Variants in CCDC120 observed in about 807,000 individuals in gnomAD.
The protein encoded by CCDC120 is coiled-coil domain containing 120, also known as coiled-coil domain-containing protein 120.
A neutral mutation model predicts 37.6 loss-of-function variants in CCDC120; 16 were observed. The ratio of observed to expected loss-of-function variants is 0.43; its 90% CI spans 0.29 to 0.65. The LOEUF is 0.65. Among genes scored for constraint, CCDC120 ranks in the 30% least tolerant of loss-of-function variants. The probability of loss-of-function intolerance (pLI) is 0.18; values close to 1 mark genes in which losing one functional copy is unlikely to be tolerated. For synonymous variants in CCDC120, 309 were observed against 275.4 expected (o/e 1.12, Z -1.21); for missense variants, 650 against 657.4 (o/e 0.99, Z 0.12).
At chrX:49,056,034 C>A (rs1432720429), upstream of CCDC120, among the ~76,000 whole-genome samples, 1 of 111,400 alleles carries the variant, frequency 9.0e-6, no homozygotes, top group Non-Finnish European at 1.9e-5. Context: ...GTGAGGGTAC[C>A]CTGTTATGTA....
chrX:49,066,992 G>C (rs1442714459), intron 9 of CCDC120, 184 bp from the exon 10 acceptor site: 1 of 447,680 alleles, frequency 2.2e-6, no homozygotes, highest in Non-Finnish European at 3.9e-6. Flanking sequence ...CCTAGCCTAG[G>C]ATAGAACCTC....
intron 5 of CCDC120, 29 bp downstream of exon 5, chrX:49,064,030 G>A: frequency 1.7e-6 from 2 of 1,169,241 alleles, no homozygotes; most frequent in Non-Finnish European, 2.3e-6. Flanking sequence ...AGAGCAAGAG[G>A]GTGGGAAGAG....
At chrX:49,056,691 A>G (rs933069074), upstream of CCDC120, among the ~76,000 whole-genome samples, 1 of 110,242 alleles carries the variant, frequency 9.1e-6, no homozygotes, top group African/African-American at 3.3e-5. Context: ...GGATAGCAAG[A>G]GTTCAGACAA....
chrX:49,062,579 G>C lies in CCDC120; in HGVS notation c.266G>C (p.Arg89Pro). The C allele has an allele frequency of 8.3e-7, 1 of 1,209,726 alleles. No individual in the cohort carries two copies. The highest frequency in any genetic ancestry group is 1.1e-6 in the Non-Finnish European group (1 of 894,867). ...CTGAGCCTGAAACTTCAGGAGCTCC[G>C]CAAAGTGTGTCTCCAGGAGGCGGTG... ...EALSLKLQELRKVCLQEAELT... is the reference protein window; with the variant it reads ...EALSLKLQELPKVCLQEAELT... Residue 89 changes from arginine (R) to proline (P), a missense_variant, in exon 4 of 11, where the codon CGC (arginine) becomes CCC (proline). Physicochemically the swap from Arg to Pro is moderately radical, Grantham distance 103. Around this residue, in one of 3 missense-constraint regions of CCDC120, gnomAD observed 10 missense variants for 27.0 expected, o/e 0.37. Coordinates refer to ENST00000603986, the MANE Select transcript of CCDC120 (RefSeq NM_001163321.4).
In CCDC120 at chrX:49,064,564, C is replaced by T. The variant is rs782636129; in HGVS notation, c.624C>T (p.Leu208=). ...QLRDVRARLG[L]PVLPLPQPLP... ...GGGATGTCCGGGCCCGCCTTGGCCT[C>T]CCAGTGCTCCCGCTGCCCCAGCCAC... The change falls in exon 6 of 11, where the codon CTC becomes CTT. Residue 208 remains leucine, a synonymous_variant. Coordinates refer to ENST00000603986, the MANE Select transcript of CCDC120 (RefSeq NM_001163321.4). 3.4e-6 allele frequency: 4 copies of T among 1,177,648 alleles called. No individual in the cohort carries two copies. The highest frequency in any genetic ancestry group is 4.9e-5 in the Admixed American group (2 of 40,590).
Position 49,065,485 on chromosome X carries a change from G to A in CCDC120, c.819G>A (p.Glu273=). 1 of 1,203,121 alleles carries A rather than the reference G, an allele frequency of 8.3e-7. No individual in the cohort carries two copies. Among genetic ancestry groups the A allele is most frequent in the Non-Finnish European group, 1.1e-6 (1 of 892,288 alleles). ...EEPHGCFSLA[E]RPSPPKAWDQ... is the part of the protein sequence containing the mutation. ...CCCATGGCTGCTTCTCTCTGGCCGAGCGCCCCTCACCACCCAAGGCTTGGG... is the reference window on the plus strand; with the variant it reads ...CCCATGGCTGCTTCTCTCTGGCCGAACGCCCCTCACCACCCAAGGCTTGGG... Residue 273 remains glutamate, a synonymous_variant, in exon 8 of 11, where the codon GAG becomes GAA. Transcript: ENST00000603986.
chrX:49,065,438 G>A lies in CCDC120; in HGVS notation c.788-16G>A. ...CCCCTCATTGAATTCTATCCCACTT[G>A]CTCTCTTCCACTCAGAGGAGCCCCA... On this transcript the variant is annotated splice_polypyrimidine_tract_variant and intron_variant, in intron 7 of 10. Transcript: ENST00000603986. The A allele has an allele frequency of 1.7e-6, 2 of 1,170,988 alleles. No homozygotes were observed. Among genetic ancestry groups the A allele is most frequent in the South Asian group, 4.0e-5 (2 of 49,997 alleles).
chrX:49,069,551 GA>G lies in CCDC120; in HGVS notation c.*894del, dbSNP rs2064997532. 1 of 112,043 alleles carries G rather than the reference GA, an allele frequency of 8.9e-6. No homozygotes were observed. The highest frequency in any genetic ancestry group is 3.2e-5 in the African/African-American group (1 of 30,810). The allele number at this position is 112,043 out of a possible 1,213,427, so 9.2% of individuals were successfully genotyped here. On this transcript the variant is annotated 3_prime_UTR_variant, in exon 11 of 11. Transcript: ENST00000603986. ...CCGGCTAATTTTTGTATTCTTAGTA[GA>G]GACAAGGTTTCACCATATTGGCCAG...
At chrX:49,061,920 T>C (rs1224545868) in intron 1 of CCDC120, 39 bp from the exon 2 acceptor site, 3 of 1,095,174 alleles carry the variant, frequency 2.7e-6, no homozygotes, top group African/African-American at 1.9e-5. Flanking sequence ...ATTGTTGTTA[T>C]AGTTGGTTGA....
chrX:49,064,458 T>A lies in CCDC120; in HGVS notation c.518T>A (p.Leu173Gln). Residue 173 changes from leucine (L) to glutamine (Q), a missense_variant, in exon 6 of 11, where the codon CTG (leucine) becomes CAG (glutamine). Physicochemically the swap from Leu to Gln is moderately radical, Grantham distance 113 (BLOSUM62 -2). This residue lies in a region of CCDC120 where 576 missense variants were observed against 565.3 expected (regional missense o/e 1.02). Transcript: ENST00000603986. ...CGCCGCCTGGCCTTGGCCCCTGATCTGAGCACCGAGCAGCGCCGGCGCCGG... is the reference window on the plus strand; with the variant it reads ...CGCCGCCTGGCCTTGGCCCCTGATCAGAGCACCGAGCAGCGCCGGCGCCGG... Reference protein sequence around the residue: ...AARRLALAPDLSTEQRRRRRQ... With the variant: ...AARRLALAPDQSTEQRRRRRQ... The A allele has an allele frequency of 8.5e-7, 1 of 1,180,987 alleles. No homozygotes were observed. Among genetic ancestry groups the A allele is most frequent in the Non-Finnish European group, 1.1e-6 (1 of 881,038 alleles).
chrX:49,057,263 A>G (rs1169796002), upstream of CCDC120, among the ~76,000 whole-genome samples: 1 of 112,325 alleles, frequency 8.9e-6, no homozygotes, highest in Admixed American at 9.4e-5. Context: ...AATTGTTGTT[A>G]GTAAGAGTCA....
intron 10 of CCDC120, 40 bp from the exon 11 acceptor site, chrX:49,068,504 C>T (rs1557082284): frequency 9.4e-7 from 1 of 1,062,258 alleles, no homozygotes; most frequent in South Asian, 2.8e-5. Flanking sequence ...TTCTTGTCTT[C>T]CCCGCCCTGT....
upstream of CCDC120, among the ~76,000 whole-genome samples, chrX:49,055,129 G>A (rs781965840): frequency 8.9e-6 from 1 of 112,315 alleles, no homozygotes; most frequent in East Asian, 2.8e-4. Context: ...ATCTTACATA[G>A]AGCTTACATT....
In CCDC120 at chrX:49,068,123, T is replaced by C; in HGVS notation, c.1976+33T>C. The C allele has an allele frequency of 2.6e-6, 3 of 1,150,830 alleles. No individual in the cohort carries two copies. In the Middle Eastern group the frequency reaches 7.1e-4, roughly 271 times the overall value. 94.8% of individuals were successfully genotyped at this position (1,150,830 alleles called of 1,213,427 possible). A position where few individuals can be genotyped will look rare whatever the true frequency, so the allele number is the denominator to read the frequency against. On this transcript the variant is annotated intron_variant, in intron 10 of 10. Coordinates refer to ENST00000603986, the MANE Select transcript of CCDC120 (RefSeq NM_001163321.4). ...GGGTGCTTTTACTGATGGGTAGGGGTCTCGTAAGGCAGATGGCGAAGATAT... is the reference window on the plus strand; with the variant it reads ...GGGTGCTTTTACTGATGGGTAGGGGCCTCGTAAGGCAGATGGCGAAGATAT...
rs904044618 is a variant in CCDC120 at position 49,067,705 on chromosome X, A to G, written c.1591A>G (p.Ser531Gly). 3 of 1,196,606 alleles carry G rather than the reference A, an allele frequency of 2.5e-6. No homozygotes were observed. In the African/African-American group the frequency reaches 5.2e-5, roughly 21 times the overall value. ...CCCACCACCTGTGTATGCAGCTGAC[A>G]GCAACAGCCCCCTCCTCCGCACCAA... ...PGPPPVYAAD[S>G]NSPLLRTKDP... Residue 531 changes from serine to glycine, a missense_variant, in exon 10 of 11, where the codon AGC (serine) becomes GGC (glycine). Physicochemically the swap from Ser to Gly is moderately conservative, Grantham distance 56 (BLOSUM62 0). This residue lies in a region of CCDC120 where 576 missense variants were observed against 565.3 expected (regional missense o/e 1.02). Transcript: ENST00000603986.
chrX:49,056,735 T>C (rs782526878), upstream of CCDC120, among the ~76,000 whole-genome samples: 1 of 110,920 alleles, frequency 9.0e-6, no homozygotes, highest in South Asian at 3.8e-4. Context: ...TTCAAATGTA[T>C]CAAGTGAGAC....
rs1223153995 is a variant in CCDC120, at chrX:49,067,442, C to T, written c.1328C>T (p.Ser443Phe). The T allele has an allele frequency of 8.4e-7, 1 of 1,190,698 alleles. No homozygotes were observed. Among genetic ancestry groups the T allele is most frequent in the African/African-American group, 1.8e-5 (1 of 56,909 alleles). Residue 443 changes from serine (S) to phenylalanine (F), a missense_variant, in exon 10 of 11, where the codon TCC becomes TTC. Around this residue, in one of 3 missense-constraint regions of CCDC120, gnomAD observed 576 missense variants for 565.3 expected, o/e 1.02. Coordinates refer to ENST00000603986, the MANE Select transcript of CCDC120 (RefSeq NM_001163321.4). ...YERPQPTPAF[S>F]SRTAGPPDPP... ...CGCCCCCAACCAACCCCTGCCTTCT[C>T]CTCCCGCACAGCAGGCCCCCCAGAC...
At chrX:49,064,051 C>T (rs1557080268) in intron 5 of CCDC120, 50 bp downstream of exon 5, 3 of 1,140,637 alleles carry the variant, frequency 2.6e-6, no homozygotes, top group Admixed American at 5.4e-5. Flanking sequence ...GGGACAGGTA[C>T]AGAGGAGTAG....
Position 49,065,848 on chromosome X carries a change from A to G in CCDC120, c.1061+3A>G, listed in dbSNP as rs782752161. The G allele has an allele frequency of 8.6e-7, 1 of 1,159,697 alleles. No individual in the cohort carries two copies. Among genetic ancestry groups the G allele is most frequent in the South Asian group, 1.9e-5 (1 of 52,229 alleles). On this transcript the variant is annotated splice_donor_region_variant and intron_variant, in intron 9 of 10. Coordinates refer to ENST00000603986, the MANE Select transcript of CCDC120 (RefSeq NM_001163321.4). ...GGCGCTGGCCCCCAGCTCTGCAAGT[A>G]AGGGGAATCTGAGGGTGGGCTGGAG...
Sources: allele counts gnomAD v4.1 joint callset (sites outside exome capture counted in the v4.1 genomes callset), GRCh38; gene constraint gnomAD v4.1.1; regional missense constraint gnomAD v4.1.1; transcripts MANE v1.5; gene names NCBI Gene and HGNC (gene_info 2026-07-23, HGNC 2026-07-21).